PRORP: variants seen among roughly 807,000 people sequenced by gnomAD.
PRORP encodes mitochondrial ribonuclease P catalytic subunit.
Under a neutral mutation model 59.4 loss-of-function variants are expected in PRORP, and 51 were observed. That is an observed-to-expected ratio of 0.86 (90% CI 0.69 to 1.08). PRORP has a LOEUF of 1.08. Among genes scored for constraint, PRORP ranks in the 50% least tolerant of loss-of-function variants. The probability of loss-of-function intolerance (pLI) is 0.00; values close to 1 mark genes in which losing one functional copy is unlikely to be tolerated. For missense variants in PRORP, 646 were observed against 690.3 expected, an observed-to-expected ratio of 0.94 and a Z score of 0.72; for synonymous variants, 231 against 245.6, an observed-to-expected ratio of 0.94 and a Z score of 0.55.
At chr14:35,272,882 C>T (rs1485283013) in intron 7 of PRORP, among the ~76,000 whole-genome samples, 3 of 152,174 alleles carry the variant, frequency 2.0e-5, no homozygotes, top group Non-Finnish European at 4.4e-5. Context: ...ATAACCTACA[C>T]ACATCCTCCT....
In PRORP at chr14:35,180,693, C is replaced by T. The variant is rs1372461712; in HGVS notation, c.1191C>T (p.Phe397=). Residue 397 remains phenylalanine, a synonymous_variant, in exon 5 of 8, where the codon TTC becomes TTT. Transcript: ENST00000534898. ...AGGAACTTAAGAGATTTGAGAACTT[C>T]ATAAAATCTCGTCCTCCTTTTGATG... is the stretch of plus-strand genomic sequence containing the variant. ...TPQELKRFEN[F]IKSRPPFDVV... 3.1e-6 allele frequency: 5 copies of T among 1,610,970 alleles called. No homozygotes were observed. The highest frequency in any genetic ancestry group is 1.3e-5 in the African/African-American group (1 of 74,846).
intron 5 of PRORP, chr14:35,219,282 A>G (rs1156562132): frequency 6.6e-6 from 1 of 152,246 alleles, no homozygotes; most frequent in Non-Finnish European, 1.5e-5. Flanking sequence ...AGTCAGGAAC[A>G]TGGTGCATGT....
chr14:35,226,301 G>A (rs918405985), intron 5 of PRORP, among the ~76,000 whole-genome samples: 5 of 152,218 alleles, frequency 3.3e-5, no homozygotes. Context: ...TTGTTTAGGG[G>A]TTTATAATCC....
At chr14:35,157,590 A>G (rs978042184) in intron 4 of PRORP, among the ~76,000 whole-genome samples, 3 of 152,014 alleles carry the variant, frequency 2.0e-5, no homozygotes, top group Non-Finnish European at 2.9e-5. Context: ...GGGTTTCAGC[A>G]TGTTGGCCAG....
chr14:35,129,272 C>T (rs537434782), intron 4 of PRORP, among the ~76,000 whole-genome samples: 3 of 151,948 alleles, frequency 2.0e-5, no homozygotes, highest in Non-Finnish European at 2.9e-5. Flanking sequence ...GATATAGGCA[C>T]TTATAGCTGC....
intron 4 of PRORP, among the ~76,000 whole-genome samples, chr14:35,178,142 T>C (rs2048502062): frequency 6.6e-6 from 1 of 152,186 alleles, no homozygotes; most frequent in Non-Finnish European, 1.5e-5. Flanking sequence ...TTACATTTGC[T>C]GAGGAGTGCT....
chr14:35,242,987 TTTCC>T (rs1275303089), intron 5 of PRORP, among the ~76,000 whole-genome samples: 1 of 152,240 alleles, frequency 6.6e-6, no homozygotes, highest in Non-Finnish European at 1.5e-5. Flanking sequence ...TCTGTGTTTG[TTTCC>T]TTTGTTTTTA....
chr14:35,123,226 G>T lies in PRORP; in HGVS notation c.-20G>T. ...TTTTTCAACATCTCTCTCACTATCT[G>T]GTGCTGATCTCACTGCATAATGACT... is the stretch of plus-strand genomic sequence containing the variant. On this transcript the variant is annotated 5_prime_UTR_variant, in exon 2 of 8. Coordinates refer to ENST00000534898, the MANE Select transcript of PRORP (RefSeq NM_014672.4). 1 of 1,593,720 alleles carries T rather than the reference G, an allele frequency of 6.3e-7. No homozygotes were observed. The highest frequency in any genetic ancestry group is 8.5e-7 in the Non-Finnish European group (1 of 1,171,206).
upstream of PRORP, chr14:35,122,282 C>A (rs574899362): frequency 2.9e-6 from 1 of 339,170 alleles, no homozygotes; most frequent in Admixed American, 4.0e-5. Context: ...GCCTTTGGCG[C>A]GTGCGCACCA....
At chr14:35,203,416 A>C (rs2049206890) in intron 5 of PRORP, among the ~76,000 whole-genome samples, 1 of 152,118 alleles carries the variant, frequency 6.6e-6, no homozygotes, top group Non-Finnish European at 1.5e-5. Context: ...ATTCCCAGCT[A>C]CTTGGGAGGC....
intron 5 of PRORP, among the ~76,000 whole-genome samples, chr14:35,186,704 GC>G (rs1416039606): frequency 6.6e-6 from 1 of 151,222 alleles, no homozygotes; most frequent in African/African-American, 2.4e-5. Flanking sequence ...GTGGTCCTCT[GC>G]CTCAGCCTTC....
chr14:35,191,044 C>A (rs1238985228), intron 5 of PRORP, among the ~76,000 whole-genome samples: 1 of 152,124 alleles, frequency 6.6e-6, no homozygotes, highest in Non-Finnish European at 1.5e-5. Flanking sequence ...CTTACAAATA[C>A]TTCTGAACAA....
chr14:35,136,190 A>G (rs1426900890), intron 4 of PRORP, among the ~76,000 whole-genome samples: 2 of 152,050 alleles, frequency 1.3e-5, no homozygotes, highest in Admixed American at 1.3e-4. Flanking sequence ...TAAAAATTTC[A>G]CCATTTGGTT....
intron 6 of PRORP, 117 bp downstream of exon 6, chr14:35,266,992 T>TA (rs369946634): frequency 0.15 from 95,528 of 654,010 alleles, 3,276 homozygotes; most frequent in African/African-American, 0.36. Flanking sequence ...TCACCCTCAT[T>TA]AAAAAAAAAA....
intron 6 of PRORP, among the ~76,000 whole-genome samples, chr14:35,268,124 G>T (rs1015685419): frequency 1.3e-5 from 2 of 152,088 alleles, no homozygotes; most frequent in Non-Finnish European, 2.9e-5. Context: ...AAGGCAGGCA[G>T]ATCACTCAAG....
chr14:35,142,595 A>C (rs2047508402), intron 4 of PRORP, among the ~76,000 whole-genome samples: 1 of 143,854 alleles, frequency 7.0e-6, no homozygotes. Flanking sequence ...TAATCCTAGC[A>C]CTTTGGGAGG....
chr14:35,164,129 A>G lies in PRORP; in HGVS notation c.1168-16541A>G, dbSNP rs577180577. ...TTTCCATTCTGTTCCATTGGTCTCTATATCTGTTTTTGTACCAGTATGAGG... is the reference window on the plus strand; with the variant it reads ...TTTCCATTCTGTTCCATTGGTCTCTGTATCTGTTTTTGTACCAGTATGAGG... On this transcript the variant is annotated intron_variant, in intron 4 of 7. Coordinates refer to ENST00000534898, the MANE Select transcript of PRORP (RefSeq NM_014672.4). Among the ~76,000 whole-genome samples, 6 of 152,294 alleles carry G rather than the reference A, an allele frequency of 3.9e-5. No individual in the cohort carries two copies. The East Asian group carries it at 5.8e-4, about 15-fold the overall frequency.
intron 5 of PRORP, among the ~76,000 whole-genome samples, chr14:35,245,337 C>T (rs1356940104): frequency 6.6e-6 from 1 of 152,190 alleles, no homozygotes. Context: ...CTCAGGCATT[C>T]TGTGCTCCAG....
intron 5 of PRORP, among the ~76,000 whole-genome samples, chr14:35,197,664 G>A (rs1375187278): frequency 6.6e-6 from 1 of 152,062 alleles, no homozygotes; most frequent in Admixed American, 6.6e-5. Flanking sequence ...ATTAGGAAGG[G>A]TATATTGTTC....
Sources: allele counts gnomAD v4.1 joint callset (sites outside exome capture counted in the v4.1 genomes callset), GRCh38; gene constraint gnomAD v4.1.1; transcripts MANE v1.5; gene names NCBI Gene and HGNC (gene_info 2026-07-23, HGNC 2026-07-21).